NCKAP5: variants seen among roughly 807,000 people sequenced by gnomAD.
NCKAP5 encodes the protein nck-associated protein 5.
Under a neutral mutation model 167.0 loss-of-function variants are expected in NCKAP5, and 92 were observed. That is an observed-to-expected ratio of 0.55 (90% CI 0.47 to 0.66). The LOEUF is 0.66. Among genes scored for constraint, NCKAP5 ranks in the 30% least tolerant of loss-of-function variants. The pLI is 0.00. For synonymous variants in NCKAP5, 891 were observed against 877.4 expected (o/e 1.02, Z -0.27); for missense variants, 2,378 against 2,315.0 (o/e 1.03, Z -0.56).
intron 8 of NCKAP5, among the ~76,000 whole-genome samples, chr2:132,942,494 T>C (rs1042924270): frequency 2.0e-5 from 3 of 152,204 alleles, no homozygotes; most frequent in Non-Finnish European, 2.9e-5. Context: ...CATTTTGCTG[T>C]AATTTTTATT....
intron 3 of NCKAP5, among the ~76,000 whole-genome samples, chr2:133,317,477 G>A (rs1320336715): frequency 6.6e-6 from 1 of 152,142 alleles, no homozygotes; most frequent in Non-Finnish European, 1.5e-5. Flanking sequence ...AGAGCCATGA[G>A]GCTGGGTGGG....
the NCKAP5 span, among the ~76,000 whole-genome samples, chr2:133,585,000 A>G: frequency 2.0e-5 from 3 of 148,804 alleles, no homozygotes; most frequent in Non-Finnish European, 4.5e-5. Context: ...GAAGGAGGGA[A>G]AGAAAGAGAG....
At chr2:132,842,159 C>G (rs1688338602) in intron 11 of NCKAP5, among the ~76,000 whole-genome samples, 1 of 152,108 alleles carries the variant, frequency 6.6e-6, no homozygotes, top group East Asian at 1.9e-4. Flanking sequence ...TCTCTTACAT[C>G]ATACACTTCA....
chr2:133,576,983 A>G, the NCKAP5 span, among the ~76,000 whole-genome samples: 2 of 152,208 alleles, frequency 1.3e-5, no homozygotes. Context: ...CTTTCATCTC[A>G]GAGATGAGAC....
chr2:133,132,779 C>G (rs751293629), intron 5 of NCKAP5, among the ~76,000 whole-genome samples: 4 of 151,432 alleles, frequency 2.6e-5, no homozygotes, highest in Non-Finnish European at 2.9e-5. Context: ...CAGGTTCACA[C>G]TATTCTCCTG....
At chr2:133,592,366 G>T in the NCKAP5 span, among the ~76,000 whole-genome samples, 3 of 152,208 alleles carry the variant, frequency 2.0e-5, no homozygotes, top group African/African-American at 7.2e-5. Flanking sequence ...AACACCTAAT[G>T]CCAGATAAGA....
intron 8 of NCKAP5, among the ~76,000 whole-genome samples, chr2:132,912,705 G>A (rs780088780): frequency 6.6e-6 from 1 of 152,142 alleles, no homozygotes; most frequent in Non-Finnish European, 1.5e-5. Flanking sequence ...AATACTTCCA[G>A]GACAAGTCAA....
intron 8 of NCKAP5, among the ~76,000 whole-genome samples, 167 bp downstream of exon 8, chr2:132,963,553 G>A (rs1436132722): frequency 1.3e-5 from 2 of 152,120 alleles, no homozygotes; most frequent in African/African-American, 2.4e-5. Context: ...CCCTTTCAGT[G>A]CTAACTTTTT....
At chr2:132,982,851 C>CT (rs1157133789) in intron 7 of NCKAP5, among the ~76,000 whole-genome samples, 1 of 152,158 alleles carries the variant, frequency 6.6e-6, no homozygotes, top group Non-Finnish European at 1.5e-5. Context: ...TGATTTCTTT[C>CT]TTTTTTATGG....
At chr2:133,326,458 C>CAAAAAAAAA (rs34750625) in intron 3 of NCKAP5, among the ~76,000 whole-genome samples, 12 of 48,970 alleles carry the variant, frequency 2.5e-4, no homozygotes, top group African/African-American at 6.6e-4. Flanking sequence ...TCAGTCTCAA[C>CAAAAAAAAA]AAAAAAAAAA....
intron 11 of NCKAP5, among the ~76,000 whole-genome samples, chr2:132,859,705 G>A (rs1385143830): frequency 6.6e-6 from 1 of 152,282 alleles, no homozygotes; most frequent in South Asian, 2.1e-4. Flanking sequence ...GTGAAACCTC[G>A]ATGCAGTCTT....
At chr2:132,832,987 TTC>T (rs1687626798) in intron 11 of NCKAP5, among the ~76,000 whole-genome samples, 1 of 152,192 alleles carries the variant, frequency 6.6e-6, no homozygotes, top group Non-Finnish European at 1.5e-5. Context: ...CTAATTTACA[TTC>T]TCACCAACAG....
chr2:133,329,280 C>A (rs1682668459), intron 3 of NCKAP5, among the ~76,000 whole-genome samples: 1 of 152,006 alleles, frequency 6.6e-6, no homozygotes, highest in Non-Finnish European at 1.5e-5. Flanking sequence ...AGGGGACAAC[C>A]AGGGGACAGC....
At chr2:132,876,573 CT>C (rs1199430164) in intron 9 of NCKAP5, among the ~76,000 whole-genome samples, 2 of 152,188 alleles carry the variant, frequency 1.3e-5, no homozygotes, top group Non-Finnish European at 2.9e-5. Flanking sequence ...TGAGAGTGTT[CT>C]CTTACAATGT....
At chr2:132,779,203 G>T (rs986077720) in intron 15 of NCKAP5, among the ~76,000 whole-genome samples, 8 of 152,202 alleles carry the variant, frequency 5.3e-5, no homozygotes, top group African/African-American at 1.9e-4. Context: ...GCAGATGAGA[G>T]AGGAAAAGCA....
chr2:132,729,655 G>A (rs1334645598), intron 17 of NCKAP5, among the ~76,000 whole-genome samples: 1 of 152,298 alleles, frequency 6.6e-6, no homozygotes, highest in Non-Finnish European at 1.5e-5. Flanking sequence ...TGAGTAGCAA[G>A]GGTGTAATTA....
intron 5 of NCKAP5, among the ~76,000 whole-genome samples, chr2:133,178,450 A>G (rs1002217949): frequency 2.3e-5 from 3 of 129,874 alleles, no homozygotes; most frequent in African/African-American, 8.6e-5. Context: ...AGTTGTAGTG[A>G]GCCAAGATCA....
intron 3 of NCKAP5, among the ~76,000 whole-genome samples, chr2:133,440,817 A>G (rs1405738164): frequency 6.6e-6 from 1 of 151,900 alleles, no homozygotes; most frequent in Non-Finnish European, 1.5e-5. Context: ...CTACATTTAA[A>G]CCCCAATTCT....
intron 7 of NCKAP5, among the ~76,000 whole-genome samples, chr2:132,968,955 A>G (rs1416656650): frequency 6.6e-6 from 1 of 152,208 alleles, no homozygotes; most frequent in East Asian, 1.9e-4. Context: ...GAGATTTCTA[A>G]AGCCAAGAAG....
Sources: gnomAD v4.1 joint callset for allele counts (sites outside exome capture counted in the v4.1 genomes callset) on GRCh38, gnomAD v4.1.1 for gene constraint, MANE v1.5 for transcripts, NCBI Gene and HGNC (gene_info 2026-07-23, HGNC 2026-07-21) for gene names.